Variants in CTNNA2 observed in about 807,000 individuals in gnomAD.
CTNNA2 encodes catenin alpha 2.
Under a neutral mutation model 101.0 loss-of-function variants are expected in CTNNA2, and 42 were observed. The observed-to-expected ratio is 0.42, with a 90% CI of 0.32 to 0.54. CTNNA2 has a LOEUF of 0.54. Among genes scored for constraint, CTNNA2 ranks in the 20% least tolerant of loss-of-function variants. The pLI is 0.14. For missense variants in CTNNA2, 871 were observed against 1,223.1 expected (o/e 0.71, Z 4.29); for synonymous variants, 450 against 456.4 (o/e 0.99, Z 0.18).
chr2:79,969,344 G>C (rs891058256), intron 7 of CTNNA2, among the ~76,000 whole-genome samples: 1 of 152,132 alleles, frequency 6.6e-6, no homozygotes, highest in Non-Finnish European at 1.5e-5. Context: ...TCTAAAGATG[G>C]CTCTTTTGAA....
At chr2:79,609,431 A>C (rs1397972743) in intron 1 of CTNNA2, among the ~76,000 whole-genome samples, 1 of 152,084 alleles carries the variant, frequency 6.6e-6, no homozygotes, top group Non-Finnish European at 1.5e-5. Context: ...GATTTTTGGC[A>C]AAAATTGACA....
At chr2:80,471,580 G>A (rs10865452) in intron 9 of CTNNA2, among the ~76,000 whole-genome samples, 56,968 of 151,958 alleles carry the variant, frequency 0.37, 11,632 homozygotes, top group East Asian at 0.66. Context: ...AATTATCACT[G>A]GAGAGTGGTA....
intron 7 of CTNNA2, among the ~76,000 whole-genome samples, chr2:80,281,189 A>G (rs1229953824): frequency 6.6e-6 from 1 of 152,146 alleles, no homozygotes; most frequent in African/African-American, 2.4e-5. Context: ...ATGTCCCTGG[A>G]TACTTGCTCA....
intron 4 of CTNNA2, among the ~76,000 whole-genome samples, chr2:79,482,026 G>A (rs1573186586): frequency 6.6e-6 from 1 of 152,168 alleles, no homozygotes; most frequent in African/African-American, 2.4e-5. Flanking sequence ...GAGCTGAACA[G>A]ACTGTGTTGT....
intron 7 of CTNNA2, among the ~76,000 whole-genome samples, chr2:80,009,819 A>G (rs1036791541): frequency 6.6e-6 from 1 of 151,894 alleles, no homozygotes; most frequent in Admixed American, 6.6e-5. Context: ...TTTACAGTCT[A>G]ACTTCTTAAG....
intron 7 of CTNNA2, among the ~76,000 whole-genome samples, chr2:80,019,194 T>A (rs966811965): frequency 9.2e-5 from 14 of 152,202 alleles, no homozygotes; most frequent in African/African-American, 3.4e-4. Flanking sequence ...TTTTGGTATC[T>A]GAGTGGGGGT....
chr2:80,484,849 A>G (rs111453691), intron 9 of CTNNA2, among the ~76,000 whole-genome samples: 5,853 of 152,076 alleles, frequency 0.038, 372 homozygotes, highest in African/African-American at 0.13. Flanking sequence ...TACTGAAAAT[A>G]CAAAAAATTA....
At chr2:79,390,468 C>T (rs945340387) in intron 4 of CTNNA2, among the ~76,000 whole-genome samples, 3 of 152,138 alleles carry the variant, frequency 2.0e-5, no homozygotes, top group Non-Finnish European at 2.9e-5. Flanking sequence ...TCACCTCCTC[C>T]GTTATACCTT....
At chr2:80,364,920 C>T (rs923111701) in intron 7 of CTNNA2, among the ~76,000 whole-genome samples, 6 of 152,060 alleles carry the variant, frequency 3.9e-5, no homozygotes, top group Non-Finnish European at 7.4e-5. Flanking sequence ...GGAAGAAACT[C>T]GGGTTTATGA....
chr2:79,640,880 T>G (rs1680404388), intron 1 of CTNNA2, among the ~76,000 whole-genome samples: 1 of 152,202 alleles, frequency 6.6e-6, no homozygotes, highest in Non-Finnish European at 1.5e-5. Context: ...AATGTCAATT[T>G]CTTAATGAGC....
At chr2:79,789,540 A>G (rs1675112009) in intron 3 of CTNNA2, among the ~76,000 whole-genome samples, 1 of 152,076 alleles carries the variant, frequency 6.6e-6, no homozygotes, top group South Asian at 2.1e-4. Context: ...TTGCAGAGGG[A>G]AAAATGCATC....
chr2:79,330,925 A>G (rs1676856841), intron 3 of CTNNA2, among the ~76,000 whole-genome samples: 1 of 152,162 alleles, frequency 6.6e-6, no homozygotes, highest in African/African-American at 2.4e-5. Context: ...GAGCTAAACA[A>G]TTATGGAGCC....
At chr2:79,919,517 T>C (rs920489183) in intron 7 of CTNNA2, among the ~76,000 whole-genome samples, 4 of 152,172 alleles carry the variant, frequency 2.6e-5, no homozygotes, top group Non-Finnish European at 5.9e-5. Flanking sequence ...GCTGAGATTG[T>C]TGACAGAGCT....
chr2:80,066,134 G>T (rs919163684), intron 7 of CTNNA2, among the ~76,000 whole-genome samples: 6 of 152,158 alleles, frequency 3.9e-5, no homozygotes, highest in African/African-American at 9.7e-5. Context: ...ACATTGAGTA[G>T]AGTTGACTTG....
At chr2:79,345,664 G>C (rs777770020) in intron 3 of CTNNA2, among the ~76,000 whole-genome samples, 15 of 151,964 alleles carry the variant, frequency 9.9e-5, no homozygotes, top group Non-Finnish European at 1.8e-4. Flanking sequence ...AAATTGTGGG[G>C]TTTTTTGTTT....
chr2:79,418,810 A>G (rs1159832649), intron 4 of CTNNA2, among the ~76,000 whole-genome samples: 1 of 152,168 alleles, frequency 6.6e-6, no homozygotes, highest in Non-Finnish European at 1.5e-5. Context: ...GGAATAATGG[A>G]TAAATCTAAA....
chr2:80,378,304 A>G (rs1161382063), intron 7 of CTNNA2, among the ~76,000 whole-genome samples: 1 of 151,588 alleles, frequency 6.6e-6, no homozygotes, highest in Non-Finnish European at 1.5e-5. Flanking sequence ...TGCAGTGAGC[A>G]GAGATTGCGC....
intron 2 of CTNNA2, among the ~76,000 whole-genome samples, chr2:79,253,145 G>A (rs1304753025): frequency 1.3e-5 from 2 of 152,154 alleles, no homozygotes; most frequent in Non-Finnish European, 2.9e-5. Flanking sequence ...CTAGTCAGAT[G>A]AATTGTAAGG....
At chr2:80,593,464 A>T (rs1409643664) in intron 15 of CTNNA2, among the ~76,000 whole-genome samples, 1 of 152,166 alleles carries the variant, frequency 6.6e-6, no homozygotes, top group East Asian at 1.9e-4. Flanking sequence ...AGTAGCCACT[A>T]GCCATATATG....
Sources: gnomAD v4.1 joint callset for allele counts (sites outside exome capture counted in the v4.1 genomes callset) on GRCh38, gnomAD v4.1.1 for gene constraint, MANE v1.5 for transcripts, NCBI Gene and HGNC (gene_info 2026-07-23, HGNC 2026-07-21) for gene names.